The following EEF1D variants were observed in gnomAD, a reference collection of about 807,000 sequenced individuals.
The protein encoded by EEF1D is elongation factor 1-delta.
Under a neutral mutation model 63.9 loss-of-function variants are expected in EEF1D, and 47 were observed. That is an observed-to-expected ratio of 0.74 (90% confidence interval 0.58 to 0.94). The LOEUF (loss-of-function observed/expected upper bound fraction) is 0.94, where lower values mean the gene tolerates loss of function less well. EEF1D is among the 40% of genes least tolerant of loss of function. EEF1D has a pLI of 0.00. For missense variants in EEF1D, 907 were observed against 899.0 expected, an observed-to-expected ratio of 1.01 and a Z score of -0.11; for synonymous variants, 412 against 386.1, an observed-to-expected ratio of 1.07 and a Z score of -0.79.
At chr8:143,580,465 G>A (rs1381445376) in intron 8 of EEF1D, 41 bp downstream of exon 8, 1 of 1,594,300 alleles carries the variant, frequency 6.3e-7, no homozygotes, top group Admixed American at 1.7e-5. Context: ...CGGGCACCAG[G>A]GCAGTGCCTG....
chr8:143,585,541 C>G (rs767269879), intron 5 of EEF1D, among the ~76,000 whole-genome samples: 9 of 152,216 alleles, frequency 5.9e-5, no homozygotes, highest in Admixed American at 1.3e-4. Flanking sequence ...GCCATAGCAG[C>G]AGCCACAGAA....
At chr8:143,595,712 G>A (rs1488700288) in intron 1 of EEF1D, among the ~76,000 whole-genome samples, 1 of 145,514 alleles carries the variant, frequency 6.9e-6, no homozygotes, top group Non-Finnish European at 1.5e-5. Context: ...CTGCAGGCCA[G>A]CTCCATGGCC....
chr8:143,581,060 C>G lies in EEF1D; in HGVS notation c.1482G>C (p.Gln494His). Residue 494 changes from glutamine to histidine, a missense_variant, in exon 7 of 10, where the codon CAG becomes CAC. Physicochemically the swap from Gln to His is conservative, Grantham distance 24. Coordinates refer to ENST00000618139, the MANE Select transcript of EEF1D (RefSeq NM_001130053.5). ...GCGTGGGGAGAGCATTCACCTGGGT[C>G]TGTGGGGCCGTGGCCCGGTGGCCAG... ...SSPGHRATAP[Q>H]TQHVSPMRQV... 1 of 1,611,712 alleles carries G rather than the reference C, an allele frequency of 6.2e-7. No individual in the cohort carries two copies. Among genetic ancestry groups the G allele is most frequent in the Non-Finnish European group, 8.5e-7 (1 of 1,179,920 alleles).
At chr8:143,583,439 C>A (rs1343725706) in intron 5 of EEF1D, 2 of 152,328 alleles carry the variant, frequency 1.3e-5, no homozygotes, top group Non-Finnish European at 2.9e-5. Flanking sequence ...AGCCCCAGGG[C>A]CAAGCCCCCG....
chr8:143,589,788 G>C lies in EEF1D; in HGVS notation c.294C>G (p.Pro98=), dbSNP rs773634871. The C allele has an allele frequency of 6.3e-7, 1 of 1,575,268 alleles. No homozygotes were observed. The highest frequency in any genetic ancestry group is 1.2e-5 in the South Asian group (1 of 85,620). ...AGAGGCCCAGGAGGGCCAGGTCCGC[G>C]GGGCCGAGCCCGCTCTTGGGGGAGC... is the stretch of plus-strand genomic sequence containing the variant. The part of the protein sequence containing the change: ...RKRSPKSGLG[P]ADLALLGLSA... Residue 98 remains proline, a synonymous_variant, in exon 3 of 10, where the codon CCC becomes CCG. Transcript: ENST00000618139.
Position 143,589,435 on chromosome 8 carries a change from A to G in EEF1D, c.647T>C (p.Val216Ala), listed in dbSNP as rs921884165. Residue 216 changes from valine to alanine, a missense_variant, in exon 3 of 10, where the codon GTC becomes GCC. Transcript: ENST00000618139. ...PDLAHQPSPP[V>A]NGQPPLGSLQ... Reference sequence around the variant, plus strand: ...GCTGCCCAGCGGGGGCTGGCCATTGACCGGTGGGCTGGGCTGGTGGGCCAG... The same window carrying G: ...GCTGCCCAGCGGGGGCTGGCCATTGGCCGGTGGGCTGGGCTGGTGGGCCAG... The G allele has an allele frequency of 8.5e-6, 13 of 1,527,734 alleles. No homozygotes were observed. The African/African-American group carries it at 1.8e-4, about 21-fold the overall frequency. The allele number at this position is 1,527,734 out of a possible 1,614,324, so 94.6% of individuals were successfully genotyped here.
intron 1 of EEF1D, among the ~76,000 whole-genome samples, chr8:143,595,093 C>T (rs1041374685): frequency 4.0e-5 from 6 of 151,676 alleles, no homozygotes; most frequent in African/African-American, 9.7e-5. Flanking sequence ...TTTTTTGAGA[C>T]GGAGCCTCAC....
At chr8:143,584,319 G>GAGGTGGGCAGATCATAAGGTC (rs1826121898) in intron 5 of EEF1D, 1 of 151,412 alleles carries the variant, frequency 6.6e-6, no homozygotes, top group African/African-American at 2.4e-5. Flanking sequence ...TTGAGAGGCC[G>GAGGTGGGCAGATCATAAGGTC]AGGTGGGCAG....
chr8:143,597,403 T>G lies in EEF1D; in HGVS notation c.-70A>C, dbSNP rs1829038585. ...GAGGAATCGGCGGACGCGGGAAGAC[T>G]GATGAAAGGGAGGGCCGCCCGGGCC... On this transcript the variant is annotated 5_prime_UTR_variant, in exon 1 of 10. Coordinates refer to ENST00000618139, the MANE Select transcript of EEF1D (RefSeq NM_001130053.5). 1 of 150,970 alleles carries G rather than the reference T, an allele frequency of 6.6e-6. No individual in the cohort carries two copies. Among genetic ancestry groups the G allele is most frequent in the African/African-American group, 2.4e-5 (1 of 40,964 alleles). 9.4% of individuals were successfully genotyped at this position (150,970 alleles called of 1,614,324 possible).
At position 143,581,271 on chromosome 8, in the gene EEF1D, G is replaced by A. The variant is rs771547578; in HGVS notation, c.1345C>T (p.Arg449Trp). 3.4e-5 allele frequency: 55 copies of A among 1,612,406 alleles called. No individual in the cohort carries two copies. The highest frequency in any genetic ancestry group is 4.1e-5 in the Non-Finnish European group (48 of 1,179,992). The stretch of plus-strand genomic sequence containing the variant: ...TTCTCCACTTCCAGACTGGCAATCC[G>A]GACGACGAGCTCACCGTGGTCTCCG... ...TSGDHGELVV[R>W]IASLEVENQS... Residue 449 changes from arginine to tryptophan, a missense_variant, in exon 6 of 10, where the codon CGG (arginine) becomes TGG (tryptophan). Transcript: ENST00000618139.
At chr8:143,582,458 G>A (rs1336457567) in intron 5 of EEF1D, 1 of 152,362 alleles carries the variant, frequency 6.6e-6, no homozygotes, top group African/African-American at 2.4e-5. Context: ...GGGGCGCCAG[G>A]GGGCATGGAG....
intron 4 of EEF1D, 40 bp from the exon 5 acceptor site, chr8:143,586,330 T>C (rs1375260836): frequency 6.8e-7 from 1 of 1,464,692 alleles, no homozygotes; most frequent in South Asian, 1.4e-5. Flanking sequence ...TTTTTTATTA[T>C]TAAAAAAGAA....
At position 143,589,496 on chromosome 8, in the gene EEF1D, TC is replaced by T; in HGVS notation, c.585del (p.Thr196LeufsTer89). ...GCCACCTGCTGGCCTGTGTTGGGAG[TC>T]CCCTGCCTGCGGCTGCCGTCGGGGG... is the stretch of plus-strand genomic sequence containing the variant. The part of the protein sequence containing the change: ...LLAPDGSRRQ[G>X]TPNTGQQVAV... On this transcript the variant is annotated frameshift_variant, in exon 3 of 10. Coordinates refer to ENST00000618139, the MANE Select transcript of EEF1D (RefSeq NM_001130053.5). LOFTEE classifies it high-confidence loss of function. 1 of 1,517,758 alleles carries T rather than the reference TC, an allele frequency of 6.6e-7. No individual in the cohort carries two copies. Among genetic ancestry groups the T allele is most frequent in the Non-Finnish European group, 8.9e-7 (1 of 1,129,632 alleles). The allele number at this position is 1,517,758 out of a possible 1,614,324, so 94.0% of individuals were successfully genotyped here. A position where few individuals can be genotyped will look rare whatever the true frequency, so the allele number is the denominator to read the frequency against.
At chr8:143,591,510 C>T (rs1183720001) in intron 2 of EEF1D, among the ~76,000 whole-genome samples, 2 of 152,244 alleles carry the variant, frequency 1.3e-5, no homozygotes, top group Non-Finnish European at 2.9e-5. Context: ...TCCTCCCCAG[C>T]CATGCCCGAC....
chr8:143,586,963 G>T, intron 3 of EEF1D, 111 bp from the exon 4 acceptor site: 1 of 1,464,780 alleles, frequency 6.8e-7, no homozygotes, highest in Non-Finnish European at 9.3e-7. Flanking sequence ...AGACACCAGC[G>T]GTTCTCCACA....
At chr8:143,592,259 G>A (rs754125597) in intron 2 of EEF1D, 5 of 985,416 alleles carry the variant, frequency 5.1e-6, no homozygotes, top group Non-Finnish European at 6.0e-6. Context: ...GGCCCCCAGT[G>A]TTGATGCCCT....
intron 3 of EEF1D, chr8:143,587,115 G>A (rs1402282118): frequency 3.1e-6 from 1 of 320,330 alleles, no homozygotes; most frequent in East Asian, 6.0e-5. Context: ...CTGGGTTTAT[G>A]TCAAACAGCT....
At position 143,589,961 on chromosome 8, in the gene EEF1D, G is replaced by A; in HGVS notation, c.121C>T (p.Gln41Ter). ...EATQAAASAQ[Q>*]LPAEGPAMNG... ...ATGGCTGGCCCCTCGGCTGGCAGCTGCTGGGCGGAGGCGGCCGCCTGTGTG... is the reference window on the plus strand; with the variant it reads ...ATGGCTGGCCCCTCGGCTGGCAGCTACTGGGCGGAGGCGGCCGCCTGTGTG... The change falls in exon 3 of 10, where the codon CAG (glutamine) becomes TAG (stop). Residue 41 changes from glutamine (Q) to a stop codon, truncating the protein, a stop_gained. Transcript: ENST00000618139. LOFTEE classifies it high-confidence loss of function. 6.3e-7 allele frequency: 1 copy of A among 1,598,898 alleles called. No individual in the cohort carries two copies. The highest frequency in any genetic ancestry group is 8.5e-7 in the Non-Finnish European group (1 of 1,179,216).
At chr8:143,586,009 A>T (rs1436749148) in intron 5 of EEF1D, 1 of 472,700 alleles carries the variant, frequency 2.1e-6, no homozygotes, top group African/African-American at 2.0e-5. Flanking sequence ...CCGGCAGACG[A>T]GGTAAGCACG....
Sources: gnomAD v4.1 joint callset for allele counts (sites outside exome capture counted in the v4.1 genomes callset) on GRCh38, gnomAD v4.1.1 for gene constraint, MANE v1.5 for transcripts, NCBI Gene and HGNC (gene_info 2026-07-23, HGNC 2026-07-21) for gene names.